FYN: variants seen among roughly 807,000 people sequenced by gnomAD.
FYN encodes the protein tyrosine-protein kinase Fyn.
FYN carries 10 observed loss-of-function variants against 70.2 expected under a neutral mutation model. The observed-to-expected ratio is 0.14, with a 90% CI of 0.09 to 0.24. The LOEUF is 0.24. Among genes scored for constraint, FYN ranks in the 10% least tolerant of loss-of-function variants. FYN has a pLI of 1.00. For missense variants in FYN, 319 were observed against 673.1 expected (o/e 0.47, Z 5.82); for synonymous variants, 236 against 248.6 (o/e 0.95, Z 0.48).
intron 2 of FYN, among the ~76,000 whole-genome samples, chr6:111,831,601 A>T (rs1039508204): frequency 3.9e-5 from 6 of 152,208 alleles, no homozygotes; most frequent in Admixed American, 3.3e-4. Flanking sequence ...TATCAAGTAG[A>T]CTGTGCAGTA....
At chr6:111,739,670 C>T (rs547399947) in intron 3 of FYN, among the ~76,000 whole-genome samples, 2 of 152,336 alleles carry the variant, frequency 1.3e-5, no homozygotes, top group African/African-American at 2.4e-5. Flanking sequence ...TTCTCATTCC[C>T]TCAGGGTGTC....
At chr6:111,667,455 T>C (rs1238483172) in intron 13 of FYN, among the ~76,000 whole-genome samples, 2 of 152,194 alleles carry the variant, frequency 1.3e-5, no homozygotes, top group Middle Eastern at 3.4e-3. Context: ...CATCTTGCTA[T>C]GTTGCCCAGG....
chr6:111,672,028 C>T (rs1433592892), intron 13 of FYN, among the ~76,000 whole-genome samples: 1 of 152,152 alleles, frequency 6.6e-6, no homozygotes, highest in Non-Finnish European at 1.5e-5. Context: ...GACCAGCTCA[C>T]GACACCCCCA....
At chr6:111,773,632 A>AGG (rs1803588519) in intron 3 of FYN, among the ~76,000 whole-genome samples, 1 of 11,584 alleles carries the variant, frequency 8.6e-5, no homozygotes, top group Non-Finnish European at 1.3e-4. Context: ...GGGAAAGGAG[A>AGG]GGGGGAGGGG....
intron 2 of FYN, among the ~76,000 whole-genome samples, chr6:111,799,352 T>C (rs1200957364): frequency 1.3e-5 from 2 of 152,076 alleles, no homozygotes; most frequent in African/African-American, 2.4e-5. Flanking sequence ...TTTGTAAAAA[T>C]TAGAAGATGA....
chr6:111,757,935 A>G (rs1338875538), intron 3 of FYN, among the ~76,000 whole-genome samples: 1 of 152,120 alleles, frequency 6.6e-6, no homozygotes, highest in Non-Finnish European at 1.5e-5. Flanking sequence ...TTTTCCACAG[A>G]GGGGTTGACT....
chr6:111,858,187 C>A (rs1041019629), intron 1 of FYN: 6 of 152,248 alleles, frequency 3.9e-5, no homozygotes, highest in Admixed American at 2.6e-4. Context: ...TCTACCTAAA[C>A]ACACCCCACT....
At chr6:111,789,995 T>C (rs1261462590) in intron 2 of FYN, among the ~76,000 whole-genome samples, 2 of 152,084 alleles carry the variant, frequency 1.3e-5, no homozygotes, top group Admixed American at 6.5e-5. Flanking sequence ...TGAGTTTAGG[T>C]TGGCTACAAT....
intron 5 of FYN, among the ~76,000 whole-genome samples, chr6:111,711,286 A>C (rs1377194371): frequency 6.6e-6 from 1 of 152,152 alleles, no homozygotes; most frequent in Non-Finnish European, 1.5e-5. Context: ...AAAAAAAAAC[A>C]ACAAACCTAC....
intron 3 of FYN, among the ~76,000 whole-genome samples, chr6:111,752,489 A>C (rs1802533711): frequency 6.6e-6 from 1 of 152,234 alleles, no homozygotes; most frequent in South Asian, 2.1e-4. Context: ...TTGAGGAGAG[A>C]CATTTTGTTG....
chr6:111,751,965 T>C lies in FYN; in HGVS notation c.-12+28601A>G, dbSNP rs56100773. On this transcript the variant is annotated intron_variant, in intron 3 of 13. Coordinates refer to ENST00000354650, the MANE Select transcript of FYN (RefSeq NM_002037.5). ...AGAATGTGGTAGGAAAATCCTACCA[T>C]GTATTTTTCTCAGATTTATATTCCT... Among the ~76,000 whole-genome samples, 474 of 152,298 alleles carry C rather than the reference T, an allele frequency of 3.1e-3. 2 individuals carry two copies. The highest frequency in any genetic ancestry group is 5.5e-3 in the Non-Finnish European group (371 of 68,032).
At chr6:111,817,498 G>A (rs1318094484) in intron 2 of FYN, among the ~76,000 whole-genome samples, 2 of 152,124 alleles carry the variant, frequency 1.3e-5, no homozygotes, top group East Asian at 1.9e-4. Flanking sequence ...AAATGCCCTC[G>A]TAGCTATCCC....
chr6:111,808,479 C>G (rs777180296), intron 2 of FYN, among the ~76,000 whole-genome samples: 1 of 152,162 alleles, frequency 6.6e-6, no homozygotes, highest in Non-Finnish European at 1.5e-5. Context: ...AGGGCTGTAG[C>G]GAATCAGGAG....
intron 3 of FYN, among the ~76,000 whole-genome samples, chr6:111,746,704 CA>C (rs1477628034): frequency 7.2e-5 from 11 of 152,082 alleles, no homozygotes; most frequent in African/African-American, 2.7e-4. Flanking sequence ...GTGAAGTCAC[CA>C]ACTATTCTCT....
At chr6:111,772,277 GC>G (rs1028703722) in intron 3 of FYN, among the ~76,000 whole-genome samples, 1 of 152,006 alleles carries the variant, frequency 6.6e-6, no homozygotes, top group Non-Finnish European at 1.5e-5. Context: ...AAATATGAAG[GC>G]CCAGGTCATA....
At chr6:111,665,407 T>C (rs1030776735) in intron 13 of FYN, among the ~76,000 whole-genome samples, 2 of 152,192 alleles carry the variant, frequency 1.3e-5, no homozygotes, top group Non-Finnish European at 2.9e-5. Flanking sequence ...CTACTTCATT[T>C]TTTTCTTCTT....
At chr6:111,687,954 C>T (rs1317541574) in intron 12 of FYN, among the ~76,000 whole-genome samples, 1 of 152,070 alleles carries the variant, frequency 6.6e-6, no homozygotes, top group Admixed American at 6.5e-5. Flanking sequence ...CTTAACCAGT[C>T]CAGGCCCTGC....
chr6:111,712,595 C>T (rs1348838589), intron 5 of FYN, among the ~76,000 whole-genome samples: 1 of 152,238 alleles, frequency 6.6e-6, no homozygotes, highest in Admixed American at 6.5e-5. Context: ...GTTTCCTAAT[C>T]TGGGCCTCTG....
intron 4 of FYN, among the ~76,000 whole-genome samples, chr6:111,715,822 C>T (rs1800615796): frequency 6.6e-6 from 1 of 152,126 alleles, no homozygotes; most frequent in Non-Finnish European, 1.5e-5. Context: ...CCCACAGAAA[C>T]TGTAAATTTA....
Sources: allele counts gnomAD v4.1 joint callset (sites outside exome capture counted in the v4.1 genomes callset), GRCh38; gene constraint gnomAD v4.1.1; transcripts MANE v1.5; gene names NCBI Gene and HGNC (gene_info 2026-07-23, HGNC 2026-07-21).